The following ZP3 variants were observed in gnomAD, a reference collection of about 807,000 sequenced individuals.
The protein encoded by ZP3 is zona pellucida glycoprotein 3.
A neutral mutation model predicts 35.6 loss-of-function variants in ZP3; 21 were observed. The ratio of observed to expected loss-of-function variants is 0.59; its 90% CI spans 0.42 to 0.85. The LOEUF is 0.85. Among genes scored for constraint, ZP3 ranks in the 40% least tolerant of loss-of-function variants. The pLI, the probability that ZP3 is intolerant of heterozygous loss-of-function variation, is 0.00. For missense variants in ZP3, 437 were observed against 536.5 expected (o/e 0.81, Z 1.83); for synonymous variants, 207 against 214.5 (o/e 0.96, Z 0.31).
upstream of ZP3, among the ~76,000 whole-genome samples, chr7:76,423,455 G>C (rs1805573164): frequency 6.6e-6 from 1 of 152,172 alleles, no homozygotes; most frequent in African/African-American, 2.4e-5. Context: ...CAACAAGGCT[G>C]TCAATCAGTT....
intron 1 of ZP3, among the ~76,000 whole-genome samples, chr7:76,418,984 G>A (rs1343212760): frequency 2.0e-5 from 3 of 152,122 alleles, no homozygotes; most frequent in Non-Finnish European, 4.4e-5. Context: ...TTGAATCTTG[G>A]TTTGGTTCCT....
At chr7:76,427,166 C>G (rs981004030) in intron 1 of ZP3, among the ~76,000 whole-genome samples, 3 of 152,114 alleles carry the variant, frequency 2.0e-5, no homozygotes, top group African/African-American at 7.2e-5. Flanking sequence ...CAATGAGGAG[C>G]AAAGCCTGCA....
intron 1 of ZP3, among the ~76,000 whole-genome samples, chr7:76,406,944 C>G (rs1343952308): frequency 6.6e-6 from 1 of 151,638 alleles, no homozygotes; most frequent in East Asian, 1.9e-4. Flanking sequence ...CACATTTCTT[C>G]TGATTTAAAT....
At chr7:76,403,723 G>T (rs1163045083) in intron 1 of ZP3, among the ~76,000 whole-genome samples, 3 of 151,360 alleles carry the variant, frequency 2.0e-5, no homozygotes, top group African/African-American at 4.9e-5. Context: ...GTGCAGTGGC[G>T]TGATCTTGGC....
At chr7:76,423,589 G>A (rs759434216), upstream of ZP3, among the ~76,000 whole-genome samples, 8 of 152,218 alleles carry the variant, frequency 5.3e-5, no homozygotes, top group Non-Finnish European at 2.9e-5. Flanking sequence ...CAGTGAAATC[G>A]TGGTATGGGT....
chr7:76,441,681 C>A (rs550082561), intron 7 of ZP3, among the ~76,000 whole-genome samples, 161 bp from the exon 8 acceptor site: 1 of 152,300 alleles, frequency 6.6e-6, no homozygotes, highest in Admixed American at 6.5e-5. Context: ...AGCCATCACA[C>A]CTGGCCGAGA....
chr7:76,410,211 A>G (rs926483524), intron 1 of ZP3, among the ~76,000 whole-genome samples: 1 of 151,910 alleles, frequency 6.6e-6, no homozygotes, highest in African/African-American at 2.4e-5. Flanking sequence ...TTGTATTTTT[A>G]GTAGAGACTG....
upstream of ZP3, among the ~76,000 whole-genome samples, chr7:76,423,530 A>G (rs1805574306): frequency 1.3e-5 from 2 of 152,192 alleles, no homozygotes. Flanking sequence ...TCCTAAGGTC[A>G]GTTCCTGGGA....
chr7:76,410,747 C>T (rs574296816), intron 1 of ZP3, among the ~76,000 whole-genome samples: 3 of 152,136 alleles, frequency 2.0e-5, no homozygotes, highest in African/African-American at 4.8e-5. Flanking sequence ...GTAATCCCAG[C>T]ACTTTGGGAG....
chr7:76,424,011 G>T (rs1563696074), upstream of ZP3, among the ~76,000 whole-genome samples: 1 of 152,046 alleles, frequency 6.6e-6, no homozygotes, highest in Non-Finnish European at 1.5e-5. Context: ...TGCCTGAACT[G>T]ACCTACCCCC....
intron 2 of ZP3, among the ~76,000 whole-genome samples, chr7:76,429,987 C>A (rs988885137): frequency 2.0e-5 from 3 of 152,098 alleles, no homozygotes; most frequent in Non-Finnish European, 4.4e-5. Context: ...CTTTGGGAGG[C>A]TGACAGGTGG....
chr7:76,415,746 C>T (rs1432646275), intron 1 of ZP3, among the ~76,000 whole-genome samples: 3 of 151,574 alleles, frequency 2.0e-5, no homozygotes, highest in African/African-American at 7.3e-5. Context: ...CCACCCGCCT[C>T]GGCCTCCCAA....
intron 1 of ZP3, chr7:76,409,397 A>C (rs1805170372): frequency 1.3e-5 from 2 of 152,356 alleles, no homozygotes; most frequent in East Asian, 1.9e-4. Context: ...ACTCCAGCAA[A>C]AGTGAAGGAT....
rs952531093 is a variant in ZP3, at chr7:76,427,044, G to A, written c.312+1768G>A. 2.6e-5 allele frequency among the ~76,000 whole-genome samples: 4 copies of A among 152,136 alleles called. No homozygotes were observed. The East Asian group carries it at 7.7e-4, about 29-fold the overall frequency. On this transcript the variant is annotated intron_variant, in intron 1 of 7. Coordinates refer to ENST00000394857, the MANE Select transcript of ZP3 (RefSeq NM_001110354.2). ...CATTCCAGCCTGGAAGGCAGAGCAA[G>A]ACCCTCTTTTATTAACCCCACCTGT...
intron 1 of ZP3, chr7:76,404,383 C>T (rs372904571): frequency 1.2e-6 from 2 of 1,613,816 alleles, no homozygotes; most frequent in African/African-American, 1.3e-5. Flanking sequence ...CCAACCTCCA[C>T]CCCCAGCGCT....
intron 1 of ZP3, among the ~76,000 whole-genome samples, chr7:76,426,907 C>CACACACACACACAA (rs57796274): frequency 0.072 from 9,156 of 126,750 alleles, 539 homozygotes; most frequent in African/African-American, 0.13. Context: ...CACACACACA[C>CACACACACACACAA]AATAGGGTGT....
intron 5 of ZP3, among the ~76,000 whole-genome samples, chr7:76,438,927 T>G: frequency 1.9e-5 from 2 of 108,026 alleles, no homozygotes; most frequent in African/African-American, 7.1e-5. Flanking sequence ...AGGTCAGGAG[T>G]TCAAGACCAG....
Position 76,403,372 on chromosome 7 carries a change from C to G in ZP3, c.-67+5575C>G, listed in dbSNP as rs574153057. ...CTTTTTTTTGAGACAGAGTCTCGCCCTGTCACTCAGGCTGGAGTGCAATGG... is the reference window on the plus strand; with the variant it reads ...CTTTTTTTTGAGACAGAGTCTCGCCGTGTCACTCAGGCTGGAGTGCAATGG... On this transcript the variant is annotated intron_variant, in intron 1 of 8. Coordinates refer to the ZP3 transcript ENST00000336517. Among the ~76,000 whole-genome samples, 5 of 151,296 alleles carry G rather than the reference C, an allele frequency of 3.3e-5. No homozygotes were observed. In the East Asian group the frequency reaches 9.7e-4, roughly 29 times the overall value.
chr7:76,403,134 T>G (rs920774770), intron 1 of ZP3, among the ~76,000 whole-genome samples: 1 of 152,194 alleles, frequency 6.6e-6, no homozygotes, highest in African/African-American at 2.4e-5. Context: ...GCCACACTCT[T>G]CTTCATCATG....
Sources: allele counts gnomAD v4.1 joint callset (sites outside exome capture counted in the v4.1 genomes callset), GRCh38; gene constraint gnomAD v4.1.1; transcripts MANE v1.5; gene names NCBI Gene and HGNC (gene_info 2026-07-23, HGNC 2026-07-21).